Variants in GREM2 observed in about 807,000 individuals in gnomAD.
The protein encoded by GREM2 is gremlin-2.
In GREM2, 11 loss-of-function variants were observed where a neutral mutation model predicts 14.2. The ratio of observed to expected loss-of-function variants is 0.78; its 90% CI spans 0.49 to 1.28. The LOEUF (loss-of-function observed/expected upper bound fraction) is 1.28. Among genes scored for constraint, GREM2 ranks in the 50% most tolerant of loss-of-function variants. The pLI, the probability that GREM2 is intolerant of heterozygous loss-of-function variation, is 0.00. For missense variants in GREM2, 210 were observed against 218.5 expected, an observed-to-expected ratio of 0.96 and a Z score of 0.24; for synonymous variants, 98 against 97.6, an observed-to-expected ratio of 1.00 and a Z score of -0.02.
intron 1 of GREM2, among the ~76,000 whole-genome samples, chr1:240,525,002 T>A (rs1678190633): frequency 6.6e-6 from 1 of 151,700 alleles, no homozygotes; most frequent in Non-Finnish European, 1.5e-5. Flanking sequence ...GTTCACACAT[T>A]GACTGTGAGC....
chr1:240,596,470 G>A (rs569845465), intron 1 of GREM2, among the ~76,000 whole-genome samples: 2 of 152,278 alleles, frequency 1.3e-5, no homozygotes, highest in South Asian at 2.1e-4. Context: ...GCTGAGGCAG[G>A]TGGATCACCT....
chr1:240,597,947 C>T (rs1342843510), intron 1 of GREM2, among the ~76,000 whole-genome samples: 1 of 152,106 alleles, frequency 6.6e-6, no homozygotes, highest in Non-Finnish European at 1.5e-5. Flanking sequence ...CTGAGAGTGT[C>T]ATAAACTACA....
chr1:240,560,963 T>G (rs1679024930), intron 1 of GREM2, among the ~76,000 whole-genome samples: 2 of 152,018 alleles, frequency 1.3e-5, no homozygotes, highest in African/African-American at 4.8e-5. Flanking sequence ...ATGATGTAAC[T>G]CCTGGTGACC....
At chr1:240,562,936 G>A (rs1679085514) in intron 1 of GREM2, among the ~76,000 whole-genome samples, 1 of 143,576 alleles carries the variant, frequency 7.0e-6, no homozygotes, top group Non-Finnish European at 1.5e-5. Flanking sequence ...GTATGTGTGT[G>A]AGTGTGTGAG....
At chr1:240,503,793 G>T (rs571401924) in intron 1 of GREM2, among the ~76,000 whole-genome samples, 1 of 152,010 alleles carries the variant, frequency 6.6e-6, no homozygotes, top group Admixed American at 6.6e-5. Context: ...CTTTATTTTC[G>T]CCATGGTCAT....
intron 1 of GREM2, among the ~76,000 whole-genome samples, chr1:240,583,465 G>T (rs1052404731): frequency 2.6e-5 from 4 of 152,242 alleles, no homozygotes; most frequent in Admixed American, 2.0e-4. Flanking sequence ...TTTTTTCAAG[G>T]CAGTGTTGCA....
chr1:240,563,950 C>T (rs920469403), intron 1 of GREM2, among the ~76,000 whole-genome samples: 43 of 152,160 alleles, frequency 2.8e-4, no homozygotes, highest in African/African-American at 1.0e-3. Flanking sequence ...TGGCTCACAC[C>T]TGTGATCTCA....
intron 1 of GREM2, among the ~76,000 whole-genome samples, chr1:240,561,400 T>A (rs976042831): frequency 2.6e-5 from 4 of 152,176 alleles, no homozygotes; most frequent in Admixed American, 2.6e-4. Flanking sequence ...AAATAAACTT[T>A]GCCGAATTCC....
At position 240,511,920 on chromosome 1, in the gene GREM2, C is replaced by T. The variant is rs148568368; in HGVS notation, c.-1-18444G>A. Among the ~76,000 whole-genome samples the T allele has an allele frequency of 1.2e-3, 189 of 152,246 alleles. 2 individuals are homozygous for T. The highest frequency in any genetic ancestry group is 4.2e-3 in the African/African-American group (175 of 41,544). On this transcript the variant is annotated intron_variant, in intron 1 of 1. Coordinates refer to ENST00000318160, the MANE Select transcript of GREM2 (RefSeq NM_022469.4). ...GAGACAGCTGCTGCACCCCCTCATA[C>T]CCCAATAAGAATAAGTGTGGAAACT... is the stretch of plus-strand genomic sequence containing the variant.
chr1:240,493,150 T>C lies in GREM2; in HGVS notation c.326A>G (p.His109Arg), dbSNP rs1439904882. The change falls in exon 2 of 2, where the codon CAC (histidine) becomes CGC (arginine). Residue 109 changes from histidine (H) to arginine (R), a missense_variant. Physicochemically the swap from His to Arg is conservative, Grantham distance 29. Transcript: ENST00000318160. ...GQCNSFYIPR[H>R]VKKEEESFQS... ...GAAGGACTCCTCCTCCTTCTTCACGTGCCGCGGGATGTAGAAGGAGTTGCA... is the reference window on the plus strand; with the variant it reads ...GAAGGACTCCTCCTCCTTCTTCACGCGCCGCGGGATGTAGAAGGAGTTGCA... The C allele has an allele frequency of 6.2e-7, 1 of 1,614,146 alleles. No homozygotes were observed. Among genetic ancestry groups the C allele is most frequent in the Admixed American group, 1.7e-5 (1 of 60,020 alleles).
intron 1 of GREM2, among the ~76,000 whole-genome samples, chr1:240,537,537 C>T (rs762064018): frequency 3.1e-4 from 47 of 152,130 alleles, no homozygotes; most frequent in Non-Finnish European, 5.7e-4. Flanking sequence ...GTAATCCCAG[C>T]ACTTTGGGAG....
chr1:240,562,005 A>G (rs1679049848), intron 1 of GREM2, among the ~76,000 whole-genome samples: 1 of 152,200 alleles, frequency 6.6e-6, no homozygotes, highest in South Asian at 2.1e-4. Context: ...AAGATGTCAA[A>G]TAAGTAGGCT....
intron 1 of GREM2, among the ~76,000 whole-genome samples, chr1:240,567,216 T>C (rs375961124): frequency 2.0e-5 from 3 of 152,098 alleles, no homozygotes; most frequent in South Asian, 4.1e-4. Flanking sequence ...TAACTTCACG[T>C]GGTCTAATAT....
chr1:240,521,344 G>A (rs940931384), intron 1 of GREM2, among the ~76,000 whole-genome samples: 4 of 152,046 alleles, frequency 2.6e-5, no homozygotes, highest in South Asian at 4.1e-4. Context: ...CGAAGTGGGC[G>A]GATCACGAGG....
chr1:240,582,160 G>A (rs1395040889), intron 1 of GREM2, among the ~76,000 whole-genome samples: 1 of 152,180 alleles, frequency 6.6e-6, no homozygotes, highest in African/African-American at 2.4e-5. Context: ...TAGGATGGCC[G>A]GGCTCGATGG....
intron 1 of GREM2, among the ~76,000 whole-genome samples, chr1:240,497,695 A>C (rs1332594185): frequency 2.0e-5 from 3 of 151,500 alleles, no homozygotes; most frequent in Non-Finnish European, 2.9e-5. Flanking sequence ...ACAATTATTA[A>C]AATTTTAACG....
At chr1:240,498,629 A>T (rs142134832) in intron 1 of GREM2, among the ~76,000 whole-genome samples, 3 of 152,182 alleles carry the variant, frequency 2.0e-5, no homozygotes, top group Non-Finnish European at 2.9e-5. Flanking sequence ...CTGCACAAGC[A>T]TGTCAGCGGC....
At chr1:240,600,320 G>A (rs532803529) in intron 1 of GREM2, among the ~76,000 whole-genome samples, 230 of 152,176 alleles carry the variant, frequency 1.5e-3, no homozygotes, top group African/African-American at 5.2e-3. Context: ...AAAAAAAATC[G>A]TGAAAAGTGG....
intron 1 of GREM2, among the ~76,000 whole-genome samples, chr1:240,607,608 A>G (rs1456880447): frequency 6.6e-6 from 1 of 152,240 alleles, no homozygotes; most frequent in Non-Finnish European, 1.5e-5. Flanking sequence ...GCCTCCAGAC[A>G]CTGAGCACGC....
Sources: gnomAD v4.1 joint callset for allele counts (sites outside exome capture counted in the v4.1 genomes callset) on GRCh38, gnomAD v4.1.1 for gene constraint, MANE v1.5 for transcripts, NCBI Gene and HGNC (gene_info 2026-07-23, HGNC 2026-07-21) for gene names.